UBE2D2: variants seen among roughly 807,000 people sequenced by gnomAD.
UBE2D2 encodes ubiquitin conjugating enzyme E2 D2.
Under a neutral mutation model 24.2 loss-of-function variants are expected in UBE2D2, and 2 were observed. That is an observed-to-expected ratio of 0.08 (90% CI 0.03 to 0.26). UBE2D2 has a LOEUF of 0.26. Ranked by LOEUF, UBE2D2 falls within the 10% of genes least tolerant of loss-of-function variation. The pLI is 1.00. For synonymous variants in UBE2D2, 58 were observed against 56.5 expected (o/e 1.03, Z -0.12); for missense variants, 44 against 177.6 (o/e 0.25, Z 4.28).
chr5:139,574,749 A>AAAG (rs1244610225), intron 1 of UBE2D2, among the ~76,000 whole-genome samples: 31 of 150,882 alleles, frequency 2.1e-4, no homozygotes, highest in Middle Eastern at 6.8e-3. Context: ...AAAAAAAAAA[A>AAAG]AAAAGAAAAG....
chr5:139,604,948 A>G lies in UBE2D2; in HGVS notation c.88+4513A>G, dbSNP rs536881221. Among the ~76,000 whole-genome samples the G allele has an allele frequency of 4.0e-5, 6 of 151,860 alleles. No individual in the cohort carries two copies. The South Asian group carries it at 1.2e-3, about 32-fold the overall frequency. On this transcript the variant is annotated intron_variant, in intron 2 of 6. Transcript: ENST00000398733. ...AACCCCACATAAGAGTACATCAAGT[A>G]TGATTGGATAGCTAAATGTCCTTTT... is the stretch of plus-strand genomic sequence containing the variant.
At chr5:139,588,867 A>T (rs1323863413) in intron 1 of UBE2D2, among the ~76,000 whole-genome samples, 1 of 151,944 alleles carries the variant, frequency 6.6e-6, no homozygotes, top group Non-Finnish European at 1.5e-5. Context: ...GGCTCAAGTG[A>T]TCCTCCCAGT....
chr5:139,543,351 T>G (rs1428166502), intron 1 of UBE2D2, among the ~76,000 whole-genome samples: 1 of 152,216 alleles, frequency 6.6e-6, no homozygotes, highest in Non-Finnish European at 1.5e-5. Context: ...CTTGGCACAG[T>G]GAGCTGCCAA....
chr5:139,600,505 G>A (rs1754050369), intron 2 of UBE2D2, 70 bp downstream of exon 2: 2 of 1,515,986 alleles, frequency 1.3e-6, no homozygotes, highest in South Asian at 1.2e-5. Flanking sequence ...AACAATTATG[G>A]TATAGGGAAG....
chr5:139,548,193 A>AAAAAAAAAAAAATAAATAAAT, intron 1 of UBE2D2, among the ~76,000 whole-genome samples: 38 of 47,086 alleles, frequency 8.1e-4, no homozygotes, highest in East Asian at 1.3e-3. Flanking sequence ...ATAAAAAAAA[A>AAAAAAAAAAAAATAAATAAAT]AAATAAATAA....
At chr5:139,535,132 A>G (rs893913200) in intron 1 of UBE2D2, among the ~76,000 whole-genome samples, 2 of 149,758 alleles carry the variant, frequency 1.3e-5, no homozygotes, top group Non-Finnish European at 3.0e-5. Flanking sequence ...ACAAAGTGAG[A>G]CTTTATCTCA....
chr5:139,550,721 G>GT (rs975828059), intron 1 of UBE2D2, among the ~76,000 whole-genome samples: 1 of 150,494 alleles, frequency 6.6e-6, no homozygotes, highest in Admixed American at 6.7e-5. Context: ...GGAGGAATGA[G>GT]TAACTCCAGA....
rs761798625 is a variant in UBE2D2, at chr5:139,600,207, A to G, written c.25-165A>G. 5.0e-6 allele frequency: 4 copies of G among 803,654 alleles called. No individual in the cohort carries two copies. In the South Asian group the frequency reaches 5.8e-5, roughly 12 times the overall value. The allele number at this position is 803,654 out of a possible 1,614,324, so 49.8% of individuals were successfully genotyped here. A position where few individuals can be genotyped will look rare whatever the true frequency, so the allele number is the denominator to read the frequency against. ...AATACACATTGCCTTGAAGAATCCA[A>G]AATACCTTAAAGATTCACCAATCTA... On this transcript the variant is annotated intron_variant, in intron 1 of 6. Transcript: ENST00000398733.
chr5:139,594,624 G>A (rs1305673502), intron 1 of UBE2D2, among the ~76,000 whole-genome samples: 3 of 152,044 alleles, frequency 2.0e-5, no homozygotes, highest in Non-Finnish European at 4.4e-5. Flanking sequence ...ATGTTGGCCA[G>A]GCTGGTCTTG....
At chr5:139,581,778 C>T (rs930067005) in intron 1 of UBE2D2, among the ~76,000 whole-genome samples, 6 of 151,964 alleles carry the variant, frequency 3.9e-5, no homozygotes, top group African/African-American at 1.5e-4. Context: ...AAGCTATTCT[C>T]CTGCCTCAGC....
At chr5:139,573,949 C>T (rs946793998) in intron 1 of UBE2D2, among the ~76,000 whole-genome samples, 3 of 151,420 alleles carry the variant, frequency 2.0e-5, no homozygotes, top group Admixed American at 6.6e-5. Flanking sequence ...CCAGCCTGGG[C>T]GACAGAGCGA....
intron 1 of UBE2D2, among the ~76,000 whole-genome samples, chr5:139,571,471 G>A (rs1461531834): frequency 6.6e-6 from 1 of 151,054 alleles, no homozygotes; most frequent in Non-Finnish European, 1.5e-5. Flanking sequence ...CTGTGCATCA[G>A]GAATTACTTG....
intron 1 of UBE2D2, among the ~76,000 whole-genome samples, chr5:139,529,303 C>T (rs1273839406): frequency 1.3e-5 from 2 of 152,014 alleles, no homozygotes; most frequent in African/African-American, 2.4e-5. Flanking sequence ...TTCTAGGTGA[C>T]ACAAGTAAAG....
intron 2 of UBE2D2, among the ~76,000 whole-genome samples, chr5:139,602,456 C>G (rs1470722603): frequency 6.6e-6 from 1 of 152,152 alleles, no homozygotes; most frequent in African/African-American, 2.4e-5. Context: ...GCAGGCAGAT[C>G]ACTTGAGCCC....
intron 1 of UBE2D2, among the ~76,000 whole-genome samples, chr5:139,529,643 A>T (rs1752578197): frequency 6.6e-6 from 1 of 151,178 alleles, no homozygotes; most frequent in Admixed American, 6.6e-5. Flanking sequence ...CAAGTAAAAT[A>T]AAAAAAAATG....
At chr5:139,578,652 T>G (rs1753534318) in intron 1 of UBE2D2, among the ~76,000 whole-genome samples, 3 of 152,238 alleles carry the variant, frequency 2.0e-5, no homozygotes, top group African/African-American at 7.2e-5. Flanking sequence ...AGGGTCTTGC[T>G]GTGTGGCCCA....
intron 1 of UBE2D2, among the ~76,000 whole-genome samples, chr5:139,545,177 T>A (rs1208259586): frequency 6.6e-6 from 1 of 152,198 alleles, no homozygotes; most frequent in African/African-American, 2.4e-5. Context: ...TAGTATTCCA[T>A]AGTATTAATT....
intron 1 of UBE2D2, among the ~76,000 whole-genome samples, chr5:139,570,747 G>A (rs936025744): frequency 5.9e-5 from 9 of 151,922 alleles, no homozygotes; most frequent in Admixed American, 1.3e-4. Flanking sequence ...TCCTGACCTC[G>A]TGATCCACCC....
At chr5:139,535,330 C>T (rs553067867) in intron 1 of UBE2D2, among the ~76,000 whole-genome samples, 6 of 151,052 alleles carry the variant, frequency 4.0e-5, no homozygotes, top group Non-Finnish European at 8.8e-5. Flanking sequence ...GTGGCGGGCA[C>T]CTGTAGTCCC....
Sources: gnomAD v4.1 joint callset for allele counts (sites outside exome capture counted in the v4.1 genomes callset) on GRCh38, gnomAD v4.1.1 for gene constraint, MANE v1.5 for transcripts, NCBI Gene and HGNC (gene_info 2026-07-23, HGNC 2026-07-21) for gene names.